Variants in ANO4 observed in about 807,000 individuals in gnomAD.
ANO4 encodes the protein anoctamin-4.
A neutral mutation model predicts 141.9 loss-of-function variants in ANO4; 69 were observed. The observed-to-expected ratio is 0.49, with a 90% confidence interval of 0.40 to 0.59. The LOEUF (loss-of-function observed/expected upper bound fraction) is 0.59, where lower values mean the gene tolerates loss of function less well. ANO4 is among the 20% of genes least tolerant of loss of function. The probability of loss-of-function intolerance (pLI) is 0.00; values close to 1 mark genes in which losing one functional copy is unlikely to be tolerated. For missense variants in ANO4, 894 were observed against 1,162.2 expected (o/e 0.77, Z 3.36); for synonymous variants, 350 against 394.3 (o/e 0.89, Z 1.33).
chr12:100,820,192 T>C (rs1467699619), intron 1 of ANO4, among the ~76,000 whole-genome samples: 1 of 151,850 alleles, frequency 6.6e-6, no homozygotes, highest in Admixed American at 6.6e-5. Context: ...GGGGGGGCCC[T>C]CCCACCTGAC....
At chr12:101,039,874 G>GT in intron 10 of ANO4, 81 bp from the exon 11 acceptor site, 1 of 1,485,824 alleles carries the variant, frequency 6.7e-7, no homozygotes, top group Non-Finnish European at 9.1e-7. Context: ...AACACCTGCT[G>GT]TAAGACACTT....
chr12:101,101,824 T>C (rs2050198899), intron 22 of ANO4, among the ~76,000 whole-genome samples: 1 of 152,168 alleles, frequency 6.6e-6, no homozygotes. Flanking sequence ...GGCTCACACC[T>C]GTAATCCTAG....
chr12:101,051,268 G>A (rs1043124526), intron 14 of ANO4, among the ~76,000 whole-genome samples: 3 of 152,170 alleles, frequency 2.0e-5, no homozygotes, highest in Non-Finnish European at 4.4e-5. Context: ...AGTTTCTGAG[G>A]TTGAAAGTGG....
chr12:101,050,862 T>G (rs538920448), intron 14 of ANO4, among the ~76,000 whole-genome samples: 64 of 152,296 alleles, frequency 4.2e-4, no homozygotes, highest in African/African-American at 1.5e-3. Flanking sequence ...ATTCCTGGCA[T>G]AGGCATTTGG....
chr12:100,801,118 TCTCTCTCA>T (rs950066985), intron 1 of ANO4, among the ~76,000 whole-genome samples: 4 of 151,728 alleles, frequency 2.6e-5, no homozygotes, highest in African/African-American at 9.7e-5. Flanking sequence ...TCTCTCTCTC[TCTCTCTCA>T]AACAGACTTT....
intron 27 of ANO4, among the ~76,000 whole-genome samples, chr12:101,127,495 G>C (rs975305264): frequency 2.6e-5 from 4 of 152,166 alleles, no homozygotes; most frequent in Non-Finnish European, 5.9e-5. Flanking sequence ...AGAGACCAAG[G>C]TGCAACAGGG....
At chr12:100,843,474 G>A (rs1030608822) in intron 1 of ANO4, among the ~76,000 whole-genome samples, 2 of 152,082 alleles carry the variant, frequency 1.3e-5, no homozygotes, top group African/African-American at 2.4e-5. Flanking sequence ...CAGTTTAACT[G>A]TCCTCAACTT....
At chr12:101,076,238 G>A (rs903672002) in intron 14 of ANO4, among the ~76,000 whole-genome samples, 1 of 152,116 alleles carries the variant, frequency 6.6e-6, no homozygotes, top group Non-Finnish European at 1.5e-5. Context: ...AAGCCATCAT[G>A]GTTGGATTAT....
intron 2 of ANO4, among the ~76,000 whole-genome samples, chr12:100,738,799 C>T (rs1399457): frequency 6.6e-6 from 1 of 151,578 alleles, no homozygotes. Context: ...CCTTTTTTAA[C>T]ATGTGTGTGG....
At chr12:100,911,203 A>G (rs2041085187) in intron 2 of ANO4, among the ~76,000 whole-genome samples, 1 of 152,056 alleles carries the variant, frequency 6.6e-6, no homozygotes, top group African/African-American at 2.4e-5. Flanking sequence ...TATTTTCCTT[A>G]TTTGATGGGT....
At chr12:100,798,830 G>A (rs1351674393) in intron 1 of ANO4, among the ~76,000 whole-genome samples, 1 of 152,226 alleles carries the variant, frequency 6.6e-6, no homozygotes, top group Non-Finnish European at 1.5e-5. Flanking sequence ...GACAGGTTTT[G>A]TGGGCTTTTT....
At chr12:100,833,990 A>G (rs942542870) in intron 1 of ANO4, among the ~76,000 whole-genome samples, 1 of 152,202 alleles carries the variant, frequency 6.6e-6, no homozygotes, top group South Asian at 2.1e-4. Flanking sequence ...GACATGGGTA[A>G]AGAGAGGACC....
chr12:100,790,233 C>A (rs11110522), upstream of ANO4, among the ~76,000 whole-genome samples: 8,946 of 152,202 alleles, frequency 0.059, 531 homozygotes, highest in East Asian at 0.27. Flanking sequence ...AGACTGAAGT[C>A]AGGTTGCAGA....
intron 9 of ANO4, 88 bp downstream of exon 9, chr12:101,020,228 C>T: frequency 1.1e-6 from 1 of 874,496 alleles, no homozygotes; most frequent in Non-Finnish European, 1.8e-6. Context: ...TGTATCAATT[C>T]TAGCAATGCT....
At chr12:100,904,926 C>A (rs953914026) in intron 2 of ANO4, among the ~76,000 whole-genome samples, 1 of 152,090 alleles carries the variant, frequency 6.6e-6, no homozygotes, top group African/African-American at 2.4e-5. Context: ...AATTTAGAGT[C>A]TGGATATATT....
At chr12:101,123,831 C>T (rs993475213) in intron 26 of ANO4, among the ~76,000 whole-genome samples, 6 of 151,990 alleles carry the variant, frequency 3.9e-5, no homozygotes, top group Admixed American at 2.0e-4. Flanking sequence ...TTCTAATAAG[C>T]GCCATACTGA....
intron 1 of ANO4, among the ~76,000 whole-genome samples, chr12:100,884,576 A>T (rs1227664022): frequency 6.6e-6 from 1 of 152,142 alleles, no homozygotes; most frequent in Non-Finnish European, 1.5e-5. Context: ...AAATGTCACC[A>T]ATTTATCTTA....
At chr12:100,958,144 A>G (rs2043252521) in intron 5 of ANO4, among the ~76,000 whole-genome samples, 1 of 152,222 alleles carries the variant, frequency 6.6e-6, no homozygotes, top group South Asian at 2.1e-4. Flanking sequence ...CAAAGCCCCG[A>G]CCATGGTTAA....
intron 17 of ANO4, among the ~76,000 whole-genome samples, chr12:101,090,798 A>G (rs1233745522): frequency 2.6e-5 from 4 of 152,196 alleles, no homozygotes; most frequent in Admixed American, 2.6e-4. Context: ...GTAAATACAC[A>G]CTTGCCCATA....
Sources: allele counts gnomAD v4.1 joint callset (sites outside exome capture counted in the v4.1 genomes callset), GRCh38; gene constraint gnomAD v4.1.1; transcripts MANE v1.5; gene names NCBI Gene and HGNC (gene_info 2026-07-23, HGNC 2026-07-21).